Variants in PHRF1 observed in about 807,000 individuals in gnomAD.
PHRF1 encodes PHD and RING finger domain-containing protein 1.
PHRF1 carries 53 observed loss-of-function variants against 128.9 expected under a neutral mutation model. The observed-to-expected ratio is 0.41, with a 90% confidence interval of 0.33 to 0.52. The LOEUF is 0.52. PHRF1 is among the 20% of genes least tolerant of loss of function. The pLI is 0.21. For synonymous variants in PHRF1, 1,178 were observed against 980.6 expected (o/e 1.20, Z -3.76); for missense variants, 2,503 against 2,284.5 (o/e 1.10, Z -1.95).
At position 609,530 on chromosome 11, in the gene PHRF1, C is replaced by T. The variant is rs1367615098; in HGVS notation, c.4074C>T (p.Pro1358=). 25 of 1,601,076 alleles carry T rather than the reference C, an allele frequency of 1.6e-5. No homozygotes were observed. In the Admixed American group the frequency reaches 3.6e-4, roughly 23 times the overall value. ...RPDAAEKAEA[P]SSPDVAPAGK... ...ACGCGGCTGAGAAGGCTGAGGCACCCAGTTCCCCGGATGTGGCGCCTGCGG... is the reference window on the plus strand; with the variant it reads ...ACGCGGCTGAGAAGGCTGAGGCACCTAGTTCCCCGGATGTGGCGCCTGCGG... The change falls in exon 14 of 18, where the codon CCC becomes CCT. Residue 1358 remains proline, a synonymous_variant. Transcript: ENST00000264555.
Position 608,446 on chromosome 11 carries a change from C to A in PHRF1, c.2990C>A (p.Ser997Tyr). ...LRPPSRSRST[S>Y]SSRSRKKAKR... ...CCCCCTTCCCGGTCCCGCTCCACAT[C>A]CAGCTCCCGCAGCAGGAAGAAGGCC... is the stretch of plus-strand genomic sequence containing the variant. Residue 997 changes from serine to tyrosine, a missense_variant, in exon 14 of 18, where the codon TCC becomes TAC. Coordinates refer to ENST00000264555, the MANE Select transcript of PHRF1 (RefSeq NM_001286581.2). The A allele has an allele frequency of 6.2e-7, 1 of 1,612,422 alleles. No homozygotes were observed. The highest frequency in any genetic ancestry group is 8.5e-7 in the Non-Finnish European group (1 of 1,179,800).
intron 10 of PHRF1, 88 bp from the exon 11 acceptor site, chr11:605,031 T>G: frequency 7.5e-7 from 1 of 1,329,570 alleles, no homozygotes; most frequent in Non-Finnish European, 1.0e-6. Context: ...TCACTGTTGC[T>G]GATGAAGGCT....
rs200615051 is a variant in PHRF1, at chr11:581,607, G to A, written c.94+1G>A. 1.2e-6 allele frequency: 2 copies of A among 1,612,226 alleles called. No individual in the cohort carries two copies. The highest frequency in any genetic ancestry group is 1.7e-6 in the Non-Finnish European group (2 of 1,179,292). On this transcript the variant is annotated splice_donor_variant, in intron 2 of 17. Coordinates refer to ENST00000264555, the MANE Select transcript of PHRF1 (RefSeq NM_001286581.2). LOFTEE classifies it high-confidence loss of function. Reference sequence around the variant, plus strand: ...CCTGCGGACCCGGCAGGTGACTTTGGTGAGCTGCCTAGCGCCGGGTAGGGG... The same window carrying A: ...CCTGCGGACCCGGCAGGTGACTTTGATGAGCTGCCTAGCGCCGGGTAGGGG...
chr11:577,141 G>A (rs930391242), intron 1 of PHRF1, among the ~76,000 whole-genome samples: 1 of 152,226 alleles, frequency 6.6e-6, no homozygotes, highest in African/African-American at 2.4e-5. Context: ...GTGGCTGGCG[G>A]TTTTCCTATT....
Position 608,094 on chromosome 11 carries a change from A to G in PHRF1, c.2638A>G (p.Thr880Ala). ...GACGGTGCAGGCTGTGCGCTGCGTC[A>G]CCTCCTACACGGTGGAGAGCATCTT... ...AQTVQAVRCV[T>A]SYTVESIFGT... is the part of the protein sequence containing the mutation. The change falls in exon 14 of 18, where the codon ACC (threonine) becomes GCC (alanine). Residue 880 changes from threonine (T) to alanine (A), a missense_variant. Coordinates refer to ENST00000264555, the MANE Select transcript of PHRF1 (RefSeq NM_001286581.2). The G allele has an allele frequency of 1.2e-6, 2 of 1,611,652 alleles. No individual in the cohort carries two copies. Among genetic ancestry groups the G allele is most frequent in the Non-Finnish European group, 1.7e-6 (2 of 1,179,846 alleles).
chr11:582,820 G>A (rs1040678919), intron 3 of PHRF1, among the ~76,000 whole-genome samples: 4 of 150,922 alleles, frequency 2.7e-5, no homozygotes, highest in Non-Finnish European at 5.9e-5. Flanking sequence ...CACCGCGCCC[G>A]GCCTTTTTTC....
intron 3 of PHRF1, among the ~76,000 whole-genome samples, chr11:585,553 A>C (rs1854482820): frequency 2.4e-5 from 3 of 127,028 alleles, no homozygotes; most frequent in Non-Finnish European, 4.8e-5. Flanking sequence ...TTGAGGTAGT[A>C]GCCCTTTCCA....
chr11:581,836 G>A (rs2134175664), intron 2 of PHRF1, 126 bp from the exon 3 acceptor site: 2 of 1,366,944 alleles, frequency 1.5e-6, no homozygotes, highest in East Asian at 5.1e-5. Context: ...CACCTTGCCG[G>A]CCCTGGGGAA....
rs774044666 is a variant in PHRF1 at position 608,613 on chromosome 11, C to T, written c.3157C>T (p.Arg1053Trp). 53 of 1,612,026 alleles carry T rather than the reference C, an allele frequency of 3.3e-5. No homozygotes were observed. The highest frequency in any genetic ancestry group is 1.6e-4 in the East Asian group (7 of 44,884). ...GCAGCGGTCCAAGGCCAAGAGCCGGCGGTCCTCCAGTGACCGCTCCAGCAG... is the reference window on the plus strand; with the variant it reads ...GCAGCGGTCCAAGGCCAAGAGCCGGTGGTCCTCCAGTGACCGCTCCAGCAG... ...RRQRSKAKSR[R>W]SSSDRSSSRE... Residue 1053 changes from arginine to tryptophan, a missense_variant, in exon 14 of 18, where the codon CGG (arginine) becomes TGG (tryptophan). Coordinates refer to ENST00000264555, the MANE Select transcript of PHRF1 (RefSeq NM_001286581.2).
chr11:586,367 C>T (rs1349988743), intron 3 of PHRF1, among the ~76,000 whole-genome samples: 1 of 152,262 alleles, frequency 6.6e-6, no homozygotes, highest in African/African-American at 2.4e-5. Context: ...GCTCTCACTT[C>T]TCCCAGCCTC....
At chr11:588,690 TA>T (rs1046167759) in intron 4 of PHRF1, among the ~76,000 whole-genome samples, 9 of 152,182 alleles carry the variant, frequency 5.9e-5, no homozygotes, top group Non-Finnish European at 8.8e-5. Context: ...TTTTTATTTT[TA>T]TTTTTTTTTG....
chr11:578,678 A>G (rs1209072973), intron 1 of PHRF1, among the ~76,000 whole-genome samples: 2 of 152,054 alleles, frequency 1.3e-5, no homozygotes, highest in Non-Finnish European at 2.9e-5. Context: ...TGATCTTTGC[A>G]CCTCAGACTC....
chr11:607,043 C>A, intron 13 of PHRF1, 23 bp from the exon 14 acceptor site: 1 of 1,540,084 alleles, frequency 6.5e-7, no homozygotes, highest in Non-Finnish European at 8.7e-7. Context: ...GAAATGATTG[C>A]CATTGACTTT....
intron 1 of PHRF1, among the ~76,000 whole-genome samples, chr11:578,273 C>G (rs1390235831): frequency 2.0e-5 from 3 of 152,198 alleles, no homozygotes; most frequent in Non-Finnish European, 4.4e-5. Context: ...AAAATAGCCC[C>G]TGGTTACTTT....
Position 605,600 on chromosome 11 carries a change from T to G in PHRF1, c.1335-5T>G. On this transcript the variant is annotated splice_polypyrimidine_tract_variant and splice_region_variant and intron_variant, in intron 11 of 17. Coordinates refer to ENST00000264555, the MANE Select transcript of PHRF1 (RefSeq NM_001286581.2). The stretch of plus-strand genomic sequence containing the variant: ...GTTCCCTTTGGCCTGTGTCCTCCCC[T>G]CTAGCAGTGAAGAGCTTTCTGCAAA... The G allele has an allele frequency of 6.2e-7, 1 of 1,613,444 alleles. No homozygotes were observed.
chr11:597,655 G>A lies in PHRF1; in HGVS notation c.894+85G>A, dbSNP rs1008954138. Reference sequence around the variant, plus strand: ...AGTCTGGGTGGGTGGGAGGGGCGTCGTCGGCACTGTGGGGTCCGCCCGGCC... The same window carrying A: ...AGTCTGGGTGGGTGGGAGGGGCGTCATCGGCACTGTGGGGTCCGCCCGGCC... On this transcript the variant is annotated intron_variant, in intron 8 of 17. Transcript: ENST00000264555. This position sits in a 1 kb window ranked among gnomAD's most constrained non-coding sequence, Gnocchi z 6.5. 16 of 1,476,760 alleles carry A rather than the reference G, an allele frequency of 1.1e-5. No individual in the cohort carries two copies. In the East Asian group the frequency reaches 2.2e-4, roughly 21 times the overall value. The allele number at this position is 1,476,760 out of a possible 1,614,324, so 91.5% of individuals were successfully genotyped here.
chr11:607,126 GCTGC>G lies in PHRF1; in HGVS notation c.1675_1678del (p.Leu559SerfsTer41). The G allele has an allele frequency of 6.2e-7, 1 of 1,611,812 alleles. No individual in the cohort carries two copies. The highest frequency in any genetic ancestry group is 8.5e-7 in the Non-Finnish European group (1 of 1,178,950). On this transcript the variant is annotated frameshift_variant, in exon 14 of 18. Coordinates refer to ENST00000264555, the MANE Select transcript of PHRF1 (RefSeq NM_001286581.2). LOFTEE classifies it high-confidence loss of function. ...TCCAGAGGGGAAGAAGGATTCAAGG[GCTGC>G]CTGCAGCCCCGAGCACTGCCCTCCG...
chr11:587,127 C>A, intron 3 of PHRF1, 132 bp from the exon 4 acceptor site: 1 of 794,802 alleles, frequency 1.3e-6, no homozygotes, highest in South Asian at 1.7e-5. Flanking sequence ...AGGTAAGTGG[C>A]AGGAGCCTGC....
chr11:588,911 G>A (rs548872550), intron 4 of PHRF1, among the ~76,000 whole-genome samples: 1 of 152,052 alleles, frequency 6.6e-6, no homozygotes, highest in South Asian at 2.1e-4. Context: ...GCCAAGGTGG[G>A]TGGATCATGA....
Sources: allele counts gnomAD v4.1 joint callset (sites outside exome capture counted in the v4.1 genomes callset), GRCh38; gene constraint gnomAD v4.1.1; non-coding constraint Gnocchi (gnomAD v3.1); transcripts MANE v1.5; gene names NCBI Gene and HGNC (gene_info 2026-07-23, HGNC 2026-07-21).